Variants in WDPCP observed in about 807,000 individuals in gnomAD.
WDPCP encodes WD repeat-containing and planar cell polarity effector protein fritz homolog.
A neutral mutation model predicts 93.1 loss-of-function variants in WDPCP; 71 were observed. The ratio of observed to expected loss-of-function variants is 0.76; its 90% confidence interval spans 0.63 to 0.93. The LOEUF is 0.93. Ranked by LOEUF, WDPCP falls within the 40% of genes least tolerant of loss-of-function variation. The pLI is 0.00. For missense variants in WDPCP, 844 were observed against 887.4 expected (o/e 0.95, Z 0.62); for synonymous variants, 315 against 315.0 (o/e 1.00, Z 0.00).
At chr2:63,154,254 G>C (rs761163897) in intron 15 of WDPCP, among the ~76,000 whole-genome samples, 1 of 151,756 alleles carries the variant, frequency 6.6e-6, no homozygotes, top group Non-Finnish European at 1.5e-5. Flanking sequence ...ATTACAAACA[G>C]AATATAGAAC....
At position 63,627,884 on chromosome 2, in the gene WDPCP, C is replaced by T. The variant is rs1330697563; in HGVS notation, n.488+22775G>A. Reference sequence around the variant, plus strand: ...TGCTAAAGGCTGTCACACTGACCCTCTGCCCTCCTGGTGGAGAGCAACTGC... The same window carrying T: ...TGCTAAAGGCTGTCACACTGACCCTTTGCCCTCCTGGTGGAGAGCAACTGC... On this transcript the variant is annotated intron_variant and non_coding_transcript_variant, in intron 3 of 4. Transcript: ENST00000467687. Among the ~76,000 whole-genome samples, 5 of 152,248 alleles carry T rather than the reference C, an allele frequency of 3.3e-5. No homozygotes were observed. The East Asian group carries it at 9.6e-4, about 29-fold the overall frequency.
intron 1 of WDPCP, among the ~76,000 whole-genome samples, chr2:63,543,232 T>C (rs190967617): frequency 7.9e-5 from 12 of 152,264 alleles, no homozygotes; most frequent in Admixed American, 5.9e-4. Context: ...GAGAGCATTA[T>C]CTTATTCACA....
At chr2:63,375,759 T>C (rs187349989) in intron 12 of WDPCP, among the ~76,000 whole-genome samples, 8 of 152,084 alleles carry the variant, frequency 5.3e-5, no homozygotes, top group Admixed American at 3.9e-4. Context: ...CACAAATTCA[T>C]ACTATGACCT....
chr2:63,373,175 C>G (rs1376022485), intron 12 of WDPCP, among the ~76,000 whole-genome samples: 1 of 151,856 alleles, frequency 6.6e-6, no homozygotes, highest in East Asian at 1.9e-4. Context: ...CTATATTAGC[C>G]CTCTTTGGAG....
intron 17 of WDPCP, among the ~76,000 whole-genome samples, chr2:63,127,660 TGC>T (rs1442384671): frequency 1.4e-5 from 1 of 72,128 alleles, no homozygotes; most frequent in East Asian, 3.1e-4. Flanking sequence ...TATGTGTATG[TGC>T]ATATATATAT....
Position 63,630,317 on chromosome 2 carries a change from A to T in WDPCP, n.488+20342T>A, listed in dbSNP as rs1212456273. On this transcript the variant is annotated intron_variant and non_coding_transcript_variant, in intron 3 of 4. Transcript: ENST00000467687. ...ATTACTTTAAAGGAAAATGGTCTAAAGGCATCAGTTAAAAGACAGATTGAA... is the reference window on the plus strand; with the variant it reads ...ATTACTTTAAAGGAAAATGGTCTAATGGCATCAGTTAAAAGACAGATTGAA... Among the ~76,000 whole-genome samples the T allele has an allele frequency of 3.3e-5, 5 of 152,224 alleles. No individual in the cohort carries two copies. In the South Asian group the frequency reaches 8.3e-4, roughly 25 times the overall value.
chr2:63,402,045 T>C (rs1271435139), intron 10 of WDPCP, among the ~76,000 whole-genome samples: 1 of 152,040 alleles, frequency 6.6e-6, no homozygotes, highest in Non-Finnish European at 1.5e-5. Flanking sequence ...CTATTTAAGA[T>C]AGCAAAGACA....
intron 14 of WDPCP, among the ~76,000 whole-genome samples, chr2:63,241,588 A>G (rs1679863055): frequency 6.6e-6 from 1 of 152,118 alleles, no homozygotes; most frequent in African/African-American, 2.4e-5. Flanking sequence ...TTACAATGGT[A>G]CCATGATTTT....
chr2:63,400,439 G>C (rs78348892), intron 10 of WDPCP, among the ~76,000 whole-genome samples: 2,328 of 152,172 alleles, frequency 0.015, 59 homozygotes, highest in African/African-American at 0.053. Context: ...AGAGTAAACA[G>C]ACAACCTACA....
Position 63,801,384 on chromosome 2 carries a change from A to G in WDPCP, n.308+12238T>C, listed in dbSNP as rs190992570. On this transcript the variant is annotated intron_variant and non_coding_transcript_variant, in intron 2 of 4. Transcript: ENST00000467687. ...TTCAAGAATGAAACCGTGGACCTTC[A>G]CTGTGAGTGTTACAGCTCTTAAAGG... 1.1e-3 allele frequency among the ~76,000 whole-genome samples: 171 copies of G among 152,278 alleles called. 2 individuals are homozygous for G. The highest frequency in any genetic ancestry group is 4.4e-5 in the Non-Finnish European group (3 of 68,032).
intron 13 of WDPCP, among the ~76,000 whole-genome samples, chr2:63,297,766 T>C (rs1559295418): frequency 6.6e-6 from 1 of 152,126 alleles, no homozygotes. Context: ...CATGGCCTAG[T>C]TACACTGTGA....
At chr2:63,408,003 T>C (rs1056079776) in intron 9 of WDPCP, among the ~76,000 whole-genome samples, 1 of 152,146 alleles carries the variant, frequency 6.6e-6, no homozygotes, top group African/African-American at 2.4e-5. Flanking sequence ...ATCCCAGGCC[T>C]CCTTGTTTGC....
intron 3 of WDPCP, among the ~76,000 whole-genome samples, chr2:63,610,992 G>T (rs1218841576): frequency 2.6e-5 from 4 of 152,118 alleles, no homozygotes. Context: ...CAGCTACTTG[G>T]GAGGCTGAGG....
intron 10 of WDPCP, among the ~76,000 whole-genome samples, chr2:63,395,904 A>G (rs2105081369): frequency 6.6e-6 from 1 of 152,012 alleles, no homozygotes. Context: ...ATTTTTTTGT[A>G]TTTTTAGTAC....
At chr2:63,750,498 G>T (rs1423410748) in intron 2 of WDPCP, among the ~76,000 whole-genome samples, 1 of 151,966 alleles carries the variant, frequency 6.6e-6, no homozygotes, top group Non-Finnish European at 1.5e-5. Flanking sequence ...ACTGCTGCCT[G>T]TTTTTGTCTT....
intron 17 of WDPCP, among the ~76,000 whole-genome samples, chr2:63,126,106 G>T (rs998252667): frequency 6.6e-6 from 1 of 151,302 alleles, no homozygotes; most frequent in African/African-American, 2.4e-5. Context: ...GGCTATTTTT[G>T]TATTTTTTGT....
chr2:63,313,243 C>G lies in WDPCP; in HGVS notation c.1812+5G>C. On this transcript the variant is annotated splice_donor_5th_base_variant and intron_variant, in intron 13 of 17. Coordinates refer to ENST00000272321, the MANE Select transcript of WDPCP (RefSeq NM_015910.7). ...GGCACAAAATCATCTCTGAAAATGA[C>G]TCACCATAAAGAGGTCACGAGCACC... 6.2e-7 allele frequency: 1 copy of G among 1,613,226 alleles called. No individual in the cohort carries two copies. The highest frequency in any genetic ancestry group is 8.5e-7 in the Non-Finnish European group (1 of 1,179,450).
At chr2:63,704,144 T>C (rs1669109753) in intron 2 of WDPCP, among the ~76,000 whole-genome samples, 1 of 152,244 alleles carries the variant, frequency 6.6e-6, no homozygotes, top group Non-Finnish European at 1.5e-5. Context: ...TTTTGCACAT[T>C]GATTTTGTAT....
intron 2 of WDPCP, among the ~76,000 whole-genome samples, chr2:63,697,387 A>G (rs1668975148): frequency 6.6e-6 from 1 of 152,142 alleles, no homozygotes; most frequent in Non-Finnish European, 1.5e-5. Flanking sequence ...TCCAGAGTCC[A>G]CTCTATGAAC....
Sources: allele counts gnomAD v4.1 joint callset (sites outside exome capture counted in the v4.1 genomes callset), GRCh38; gene constraint gnomAD v4.1.1; transcripts MANE v1.5; gene names NCBI Gene and HGNC (gene_info 2026-07-23, HGNC 2026-07-21).